The following EPHB1 variants were observed in gnomAD, a reference collection of about 807,000 sequenced individuals.
EPHB1 encodes the protein EPH receptor B1, also known as ephrin type-B receptor 1.
A neutral mutation model predicts 94.4 loss-of-function variants in EPHB1; 30 were observed. The observed-to-expected ratio is 0.32, with a 90% CI of 0.24 to 0.43. EPHB1 has a LOEUF of 0.43. EPHB1 is among the 20% of genes least tolerant of loss of function. EPHB1 has a pLI of 1.00. For synonymous variants in EPHB1, 522 were observed against 489.1 expected (o/e 1.07, Z -0.89); for missense variants, 1,055 against 1,308.3 (o/e 0.81, Z 2.99).
chr3:135,258,109 C>T (rs1320441077), intron 15 of EPHB1, among the ~76,000 whole-genome samples: 1 of 152,152 alleles, frequency 6.6e-6, no homozygotes, highest in Non-Finnish European at 1.5e-5. Context: ...CACTGTCTGG[C>T]ACTCCCTAGT....
chr3:135,038,427 G>C (rs1385307581), intron 3 of EPHB1, among the ~76,000 whole-genome samples: 1 of 152,188 alleles, frequency 6.6e-6, no homozygotes, highest in East Asian at 1.9e-4. Context: ...TCTGCAAGAG[G>C]GGAGTACATA....
chr3:135,202,953 A>G (rs1180352796), intron 12 of EPHB1, among the ~76,000 whole-genome samples: 1 of 152,228 alleles, frequency 6.6e-6, no homozygotes, highest in Non-Finnish European at 1.5e-5. Flanking sequence ...CTCAATAGCA[A>G]AGACTTGGAA....
intron 10 of EPHB1, among the ~76,000 whole-genome samples, chr3:135,192,336 T>TCACATATATTCTGAAATTCCACTTC (rs869223712): frequency 4.7e-4 from 1 of 2,106 alleles, no homozygotes; most frequent in Non-Finnish European, 1.4e-3. Context: ...AATTCCACTT[T>TCACATATATTCTGAAATTCCACTTC]AGTTACCCAA....
chr3:135,160,308 A>T (rs1316698716), intron 6 of EPHB1, among the ~76,000 whole-genome samples: 3 of 152,200 alleles, frequency 2.0e-5, no homozygotes, highest in African/African-American at 7.2e-5. Flanking sequence ...ATTTTAAACA[A>T]TGGGAATTTC....
chr3:134,868,518 C>G (rs975564755), intron 1 of EPHB1, among the ~76,000 whole-genome samples: 1 of 152,036 alleles, frequency 6.6e-6, no homozygotes, highest in African/African-American at 2.4e-5. Context: ...GTGCTTATGC[C>G]AGGGGAGGGG....
intron 10 of EPHB1, among the ~76,000 whole-genome samples, chr3:135,184,274 G>A (rs113216112): frequency 0.039 from 5,876 of 152,232 alleles, 178 homozygotes; most frequent in Non-Finnish European, 0.052. Flanking sequence ...GCATGTGAGT[G>A]AAGACCCACG....
intron 1 of EPHB1, among the ~76,000 whole-genome samples, chr3:134,835,115 T>C (rs1359849994): frequency 6.6e-6 from 1 of 152,224 alleles, no homozygotes. Flanking sequence ...AATCAGGTTC[T>C]CAATTCTGTC....
chr3:134,940,814 A>C (rs980740947), intron 2 of EPHB1, among the ~76,000 whole-genome samples: 1 of 152,246 alleles, frequency 6.6e-6, no homozygotes, highest in Admixed American at 6.5e-5. Flanking sequence ...TATAAGGTCC[A>C]TGCGGACAGG....
intron 1 of EPHB1, among the ~76,000 whole-genome samples, chr3:134,860,076 AT>A (rs1304684769): frequency 2.0e-5 from 3 of 151,636 alleles, no homozygotes; most frequent in Non-Finnish European, 4.4e-5. Context: ...AAGATTGTAT[AT>A]TTTTTGAACA....
intron 3 of EPHB1, among the ~76,000 whole-genome samples, chr3:135,069,152 A>G (rs997489497): frequency 1.2e-4 from 18 of 151,566 alleles, no homozygotes; most frequent in African/African-American, 4.1e-4. Flanking sequence ...ACAAATATTT[A>G]TGCTTATGAT....
At chr3:135,088,887 ACTG>A (rs1938459241) in intron 3 of EPHB1, among the ~76,000 whole-genome samples, 2 of 152,360 alleles carry the variant, frequency 1.3e-5, no homozygotes, top group Admixed American at 1.3e-4. Context: ...GAAAATATTA[ACTG>A]CTATTAATAC....
intron 1 of EPHB1, among the ~76,000 whole-genome samples, chr3:134,915,466 TC>T (rs1560294702): frequency 6.6e-6 from 1 of 152,026 alleles, no homozygotes; most frequent in Non-Finnish European, 1.5e-5. Flanking sequence ...CCAGGAAAGA[TC>T]CTCCCCGATA....
chr3:135,170,294 C>T (rs1212527662), intron 9 of EPHB1, among the ~76,000 whole-genome samples: 4 of 152,266 alleles, frequency 2.6e-5, no homozygotes, highest in African/African-American at 7.2e-5. Flanking sequence ...CTAGTTGAGA[C>T]GTGGCAGATC....
intron 1 of EPHB1, among the ~76,000 whole-genome samples, chr3:134,913,431 C>T (rs1406795539): frequency 6.6e-6 from 1 of 152,218 alleles, no homozygotes; most frequent in Non-Finnish European, 1.5e-5. Context: ...GGGAGATGAG[C>T]AGCATGTTAT....
chr3:135,043,900 T>C (rs56928830), intron 3 of EPHB1, among the ~76,000 whole-genome samples: 162 of 152,306 alleles, frequency 1.1e-3, no homozygotes, highest in Middle Eastern at 6.8e-3. Flanking sequence ...CATGTTGGCC[T>C]CTCAGTGATC....
chr3:135,232,094 C>CTGTT (rs1381433525), intron 12 of EPHB1, among the ~76,000 whole-genome samples: 2 of 152,192 alleles, frequency 1.3e-5, no homozygotes, highest in Non-Finnish European at 2.9e-5. Context: ...TTTCCACTAG[C>CTGTT]TGTTAGAAGC....
At chr3:134,800,070 A>G (rs1008715738) in intron 1 of EPHB1, among the ~76,000 whole-genome samples, 3 of 152,122 alleles carry the variant, frequency 2.0e-5, no homozygotes, top group African/African-American at 4.8e-5. Flanking sequence ...GAGGATGGAG[A>G]TGAAATCAAC....
At chr3:134,959,078 T>A (rs1205649444) in intron 3 of EPHB1, among the ~76,000 whole-genome samples, 1 of 152,194 alleles carries the variant, frequency 6.6e-6, no homozygotes, top group Non-Finnish European at 1.5e-5. Context: ...TGGTCATCCA[T>A]GACTTAATAT....
Position 134,861,248 on chromosome 3 carries a change from C to G in EPHB1, c.59-64568C>G, listed in dbSNP as rs1233566013. The stretch of plus-strand genomic sequence containing the variant: ...GATGTCAAGTAGAAAGAAGATAATG[C>G]CATTCAAGAGTTGTCAAGGGCCAGG... On this transcript the variant is annotated intron_variant, in intron 1 of 15. Transcript: ENST00000398015. Among the ~76,000 whole-genome samples the G allele has an allele frequency of 2.0e-5, 3 of 152,114 alleles. No homozygotes were observed. In the South Asian group the frequency reaches 6.2e-4, roughly 32 times the overall value.
Sources: allele counts gnomAD v4.1 joint callset (sites outside exome capture counted in the v4.1 genomes callset), GRCh38; gene constraint gnomAD v4.1.1; transcripts MANE v1.5; gene names NCBI Gene and HGNC (gene_info 2026-07-23, HGNC 2026-07-21).